TEKT3: variants seen among roughly 807,000 people sequenced by gnomAD.
TEKT3 encodes tektin-3.
Under a neutral mutation model 49.8 loss-of-function variants are expected in TEKT3, and 49 were observed. The ratio of observed to expected loss-of-function variants is 0.98; its 90% CI spans 0.78 to 1.25. The LOEUF is 1.25. Among genes scored for constraint, TEKT3 ranks in the 50% most tolerant of loss-of-function variants. TEKT3 has a pLI of 0.00. For synonymous variants in TEKT3, 225 were observed against 237.2 expected, an observed-to-expected ratio of 0.95 and a Z score of 0.47; for missense variants, 595 against 629.5, an observed-to-expected ratio of 0.95 and a Z score of 0.59.
chr17:15,311,960 T>C (rs916489648), intron 7 of TEKT3, among the ~76,000 whole-genome samples: 12 of 152,244 alleles, frequency 7.9e-5, no homozygotes, highest in Non-Finnish European at 1.5e-4. Flanking sequence ...CCTAGTTATA[T>C]ACAGCGATCC....
At chr17:15,323,302 G>A (rs895157061) in intron 4 of TEKT3, among the ~76,000 whole-genome samples, 7 of 152,212 alleles carry the variant, frequency 4.6e-5, no homozygotes, top group African/African-American at 1.7e-4. Flanking sequence ...AAAGCCTCTT[G>A]TGGGAAGGAA....
chr17:15,323,631 T>G (rs1911361688), intron 4 of TEKT3, among the ~76,000 whole-genome samples: 1 of 152,226 alleles, frequency 6.6e-6, no homozygotes, highest in Non-Finnish European at 1.5e-5. Context: ...TAAGGCTACT[T>G]CTTTCCTTTG....
intron 5 of TEKT3, among the ~76,000 whole-genome samples, chr17:15,318,282 C>T (rs988781969): frequency 2.6e-5 from 4 of 152,194 alleles, no homozygotes; most frequent in Middle Eastern, 3.4e-3. Context: ...AGCCACCACG[C>T]CCGGCCGCCG....
chr17:15,309,456 C>T (rs77143391), intron 7 of TEKT3, among the ~76,000 whole-genome samples: 2,793 of 152,100 alleles, frequency 0.018, 99 homozygotes, highest in African/African-American at 0.064. Flanking sequence ...ACATGGATCC[C>T]CCTTTGGTTC....
At chr17:15,329,701 C>T (rs1046433361) in intron 3 of TEKT3, among the ~76,000 whole-genome samples, 13 of 152,074 alleles carry the variant, frequency 8.5e-5, no homozygotes, top group African/African-American at 3.1e-4. Flanking sequence ...GGAGGGGTTG[C>T]AGTAGGAAGT....
intron 6 of TEKT3, 43 bp from the exon 7 acceptor site, chr17:15,312,524 A>C: frequency 6.4e-7 from 1 of 1,572,470 alleles, no homozygotes; most frequent in Admixed American, 1.7e-5. Context: ...AGAGTGATGA[A>C]TCAGCCTACA....
intron 7 of TEKT3, among the ~76,000 whole-genome samples, chr17:15,309,466 C>T (rs1910678529): frequency 6.6e-6 from 1 of 152,108 alleles, no homozygotes; most frequent in African/African-American, 2.4e-5. Flanking sequence ...CCCTTTGGTT[C>T]TCCCTCCTCT....
Position 15,304,001 on chromosome 17 carries a change from G to T in TEKT3, c.1408C>A (p.Gln470Lys), listed in dbSNP as rs1910428052. 1 of 1,614,040 alleles carries T rather than the reference G, an allele frequency of 6.2e-7. No homozygotes were observed. The highest frequency in any genetic ancestry group is 1.3e-5 in the African/African-American group (1 of 74,920). The change falls in exon 9 of 9, where the codon CAG becomes AAG. Residue 470 changes from glutamine (Q) to lysine (K), a missense_variant. Coordinates refer to ENST00000395930, the MANE Select transcript of TEKT3 (RefSeq NM_031898.3). This position sits in a 1 kb window ranked among gnomAD's most constrained non-coding sequence, Gnocchi z 4.7. ...TTGCGCATGCTCATGCATTTTTCCTGGTCGATGTACAGGGAATTGGCTTTG... is the reference window on the plus strand; with the variant it reads ...TTGCGCATGCTCATGCATTTTTCCTTGTCGATGTACAGGGAATTGGCTTTG... ...AVKANSLYID[Q>K]EKCMSMRKSY... is the part of the protein sequence containing the mutation.
intron 5 of TEKT3, 25 bp downstream of exon 5, chr17:15,319,052 T>C (rs776865745): frequency 1.3e-6 from 2 of 1,564,552 alleles, no homozygotes; most frequent in Non-Finnish European, 8.7e-7. Context: ...AGATTTTGAA[T>C]TGTATAGAGA....
At chr17:15,311,810 A>G (rs1910782084) in intron 7 of TEKT3, among the ~76,000 whole-genome samples, 1 of 152,200 alleles carries the variant, frequency 6.6e-6, no homozygotes, top group African/African-American at 2.4e-5. Flanking sequence ...TTATGCTTTC[A>G]GCACTTAAAA....
At chr17:15,317,451 A>G (rs954447632) in intron 5 of TEKT3, among the ~76,000 whole-genome samples, 1 of 152,180 alleles carries the variant, frequency 6.6e-6, no homozygotes, top group Non-Finnish European at 1.5e-5. Flanking sequence ...GAAACCACGT[A>G]CAGTCATCCT....
At chr17:15,318,117 G>A (rs1438863589) in intron 5 of TEKT3, among the ~76,000 whole-genome samples, 3 of 151,364 alleles carry the variant, frequency 2.0e-5, no homozygotes, top group Non-Finnish European at 4.4e-5. Context: ...AACCTCCCGA[G>A]TAGCTGGGAC....
Position 15,304,059 on chromosome 17 carries a change from G to A in TEKT3, c.1350C>T (p.His450=), listed in dbSNP as rs1435240747. 6.2e-7 allele frequency: 1 copy of A among 1,614,184 alleles called. No individual in the cohort carries two copies. The highest frequency in any genetic ancestry group is 8.5e-7 in the Non-Finnish European group (1 of 1,180,022). ...GGTCATACTCGAGTGTGGCTTTGAT[G>A]TGGACCAGCGACTGCAGGGTGTCCT... ...DAEDTLQSLV[H]IKATLEYDLA... The change falls in exon 9 of 9, where the codon CAC becomes CAT. Residue 450 remains histidine (H), a synonymous_variant. Coordinates refer to ENST00000395930, the MANE Select transcript of TEKT3 (RefSeq NM_031898.3). The surrounding 1 kb of genome is among the most constrained non-coding windows in gnomAD (Gnocchi z 4.7).
upstream of TEKT3, among the ~76,000 whole-genome samples, chr17:15,343,254 A>G (rs1004895198): frequency 1.2e-4 from 18 of 152,384 alleles, no homozygotes; most frequent in African/African-American, 4.3e-4. Flanking sequence ...TCAATGATAC[A>G]TTGAGTCAGT....
At chr17:15,329,008 C>T (rs1032468490) in intron 3 of TEKT3, among the ~76,000 whole-genome samples, 3 of 152,034 alleles carry the variant, frequency 2.0e-5, no homozygotes, top group Admixed American at 6.6e-5. Context: ...GAAGAATTAA[C>T]GGGTAGAGGG....
chr17:15,343,187 T>C (rs1257602848), upstream of TEKT3, among the ~76,000 whole-genome samples: 1 of 152,210 alleles, frequency 6.6e-6, no homozygotes, highest in Non-Finnish European at 1.5e-5. Flanking sequence ...AAGACAAAAT[T>C]CATTCAATGT....
chr17:15,328,573 GC>G (rs550401156), intron 3 of TEKT3, among the ~76,000 whole-genome samples: 144 of 152,172 alleles, frequency 9.5e-4, no homozygotes, highest in Admixed American at 1.4e-3. Context: ...AAAATAATAT[GC>G]CTTTACTCAC....
intron 2 of TEKT3, among the ~76,000 whole-genome samples, chr17:15,339,464 G>GA (rs1055823642): frequency 4.6e-5 from 7 of 152,138 alleles, no homozygotes; most frequent in African/African-American, 9.6e-5. Context: ...TTTACATACT[G>GA]AAAAAAATGC....
At chr17:15,309,240 C>G (rs1910667915) in intron 7 of TEKT3, among the ~76,000 whole-genome samples, 2 of 152,182 alleles carry the variant, frequency 1.3e-5, no homozygotes, top group Admixed American at 1.3e-4. Flanking sequence ...GATCTCCCTC[C>G]TCACATCCAT....
Sources: gnomAD v4.1 joint callset for allele counts (sites outside exome capture counted in the v4.1 genomes callset) on GRCh38, gnomAD v4.1.1 for gene constraint, Gnocchi (gnomAD v3.1) non-coding constraint, MANE v1.5 for transcripts, NCBI Gene and HGNC (gene_info 2026-07-23, HGNC 2026-07-21) for gene names.